Variants in NEDD9 observed in about 807,000 individuals in gnomAD.
NEDD9 encodes enhancer of filamentation 1.
In NEDD9, 26 loss-of-function variants were observed where a neutral mutation model predicts 76.6. The ratio of observed to expected loss-of-function variants is 0.34; its 90% confidence interval spans 0.25 to 0.47. The LOEUF (loss-of-function observed/expected upper bound fraction) is 0.47, where lower values mean the gene tolerates loss of function less well. Ranked by LOEUF, NEDD9 falls within the 20% of genes least tolerant of loss-of-function variation. The probability of loss-of-function intolerance (pLI) is 1.00; values close to 1 mark genes in which losing one functional copy is unlikely to be tolerated. For synonymous variants in NEDD9, 392 were observed against 414.2 expected (o/e 0.95, Z 0.65); for missense variants, 937 against 1,058.5 (o/e 0.89, Z 1.59).
At position 11,211,355 on chromosome 6, in the gene NEDD9, G is replaced by A. The variant is rs182862254; in HGVS notation, c.459+1926C>T. Among the ~76,000 whole-genome samples, 134 of 152,310 alleles carry A rather than the reference G, an allele frequency of 8.8e-4. 1 individual carries two copies. Among genetic ancestry groups the A allele is most frequent in the Non-Finnish European group, 1.7e-3 (115 of 68,032 alleles). ...GCTTAGGCTTCTCTGACTTGGAGCTGAAAAGGTTGGGTCTAAAAAGGAAAA... is the reference window on the plus strand; with the variant it reads ...GCTTAGGCTTCTCTGACTTGGAGCTAAAAAGGTTGGGTCTAAAAAGGAAAA... On this transcript the variant is annotated intron_variant, in intron 2 of 6. Coordinates refer to ENST00000379446, the MANE Select transcript of NEDD9 (RefSeq NM_006403.4).
chr6:11,312,602 T>C (rs952422224), intron 2 of NEDD9, among the ~76,000 whole-genome samples: 9 of 152,004 alleles, frequency 5.9e-5, no homozygotes, highest in Non-Finnish European at 1.2e-4. Context: ...CTCTAAACTT[T>C]TTAGTCAGCT....
At chr6:11,319,381 G>A (rs958724545) in intron 2 of NEDD9, among the ~76,000 whole-genome samples, 4 of 147,962 alleles carry the variant, frequency 2.7e-5, no homozygotes, top group African/African-American at 9.9e-5. Flanking sequence ...ATACACACAA[G>A]TCTCACACTC....
chr6:11,354,147 G>A (rs771496816), intron 1 of NEDD9, among the ~76,000 whole-genome samples: 17 of 152,242 alleles, frequency 1.1e-4, no homozygotes, highest in Non-Finnish European at 2.2e-4. Context: ...ACAAAGCTGA[G>A]TTGGGCTGAG....
intron 2 of NEDD9, among the ~76,000 whole-genome samples, chr6:11,210,484 C>T (rs1229734218): frequency 6.6e-6 from 1 of 152,020 alleles, no homozygotes; most frequent in African/African-American, 2.4e-5. Context: ...CTTTATTAAG[C>T]CAGTCAGTAA....
intron 2 of NEDD9, among the ~76,000 whole-genome samples, chr6:11,312,633 G>A (rs56817967): frequency 0.039 from 5,893 of 150,244 alleles, 244 homozygotes; most frequent in African/African-American, 0.099. Flanking sequence ...TAATATTATG[G>A]AATTACTATG....
intron 1 of NEDD9, among the ~76,000 whole-genome samples, chr6:11,356,009 C>T (rs763111928): frequency 6.6e-6 from 1 of 152,180 alleles, no homozygotes; most frequent in East Asian, 1.9e-4. Flanking sequence ...GCGTGAGCCA[C>T]CATGCCCGGC....
intron 6 of NEDD9, among the ~76,000 whole-genome samples, chr6:11,186,901 C>T (rs1757994374): frequency 6.6e-6 from 1 of 152,180 alleles, no homozygotes; most frequent in African/African-American, 2.4e-5. Flanking sequence ...CAGGTGTGAG[C>T]CACCGTGCCC....
At chr6:11,375,513 T>C (rs1762956044) in intron 1 of NEDD9, among the ~76,000 whole-genome samples, 1 of 152,186 alleles carries the variant, frequency 6.6e-6, no homozygotes, top group Non-Finnish European at 1.5e-5. Flanking sequence ...CACGCTGAAA[T>C]GTGATCCACA....
At chr6:11,339,577 A>G (rs1360116076) in intron 1 of NEDD9, among the ~76,000 whole-genome samples, 2 of 152,302 alleles carry the variant, frequency 1.3e-5, no homozygotes, top group South Asian at 2.1e-4. Context: ...ACCAGATCAT[A>G]TTTCACCAAG....
chr6:11,292,757 A>T (rs893215890), intron 3 of NEDD9, among the ~76,000 whole-genome samples: 51 of 152,218 alleles, frequency 3.4e-4, no homozygotes, highest in African/African-American at 1.2e-3. Flanking sequence ...CTGTGATGTG[A>T]TGTGCAGATG....
chr6:11,331,489 C>G (rs1762037406), intron 2 of NEDD9, among the ~76,000 whole-genome samples: 1 of 151,860 alleles, frequency 6.6e-6, no homozygotes, highest in South Asian at 2.1e-4. Flanking sequence ...GGAGATATGA[C>G]TTAAGAATTT....
intron 3 of NEDD9, among the ~76,000 whole-genome samples, chr6:11,259,955 C>CACACACACACACACACACAA (rs1561808968): frequency 6.6e-6 from 1 of 151,904 alleles, no homozygotes; most frequent in Non-Finnish European, 1.5e-5. Flanking sequence ...CACACACACA[C>CACACACACACACACACACAA]ACACAGACAC....
At chr6:11,288,275 A>G (rs904447233) in intron 3 of NEDD9, among the ~76,000 whole-genome samples, 1 of 152,144 alleles carries the variant, frequency 6.6e-6, no homozygotes, top group African/African-American at 2.4e-5. Flanking sequence ...TAAAGAGTAC[A>G]CCCTGGTCTA....
intron 6 of NEDD9, among the ~76,000 whole-genome samples, chr6:11,186,667 G>A (rs533259770): frequency 7.9e-4 from 121 of 152,268 alleles, no homozygotes; most frequent in Middle Eastern, 6.8e-3. Context: ...ACCCAGGCTG[G>A]AGTGCAGTGG....
intron 2 of NEDD9, among the ~76,000 whole-genome samples, chr6:11,324,788 G>T (rs1332087527): frequency 2.0e-5 from 3 of 152,204 alleles, no homozygotes; most frequent in South Asian, 2.1e-4. Context: ...GCTGGGGAGG[G>T]GGAGGGACAC....
At chr6:11,214,274 A>C in intron 1 of NEDD9, 1 of 498,644 alleles carries the variant, frequency 2.0e-6, no homozygotes, top group Non-Finnish European at 4.0e-6. Context: ...TTGTTCTCAG[A>C]TGACAGGAGC....
chr6:11,285,365 A>G (rs1017033024), intron 3 of NEDD9, among the ~76,000 whole-genome samples: 6 of 152,238 alleles, frequency 3.9e-5, no homozygotes, highest in African/African-American at 1.4e-4. Context: ...ATGGAGAGAT[A>G]TAATGTGTTC....
At chr6:11,243,136 A>G (rs922131481) in intron 3 of NEDD9, among the ~76,000 whole-genome samples, 1 of 152,116 alleles carries the variant, frequency 6.6e-6, no homozygotes, top group Non-Finnish European at 1.5e-5. Context: ...AACACTGACC[A>G]AGTGCCCTCT....
At chr6:11,203,480 G>A (rs2113740566) in intron 2 of NEDD9, among the ~76,000 whole-genome samples, 1 of 152,320 alleles carries the variant, frequency 6.6e-6, no homozygotes, top group Admixed American at 6.5e-5. Context: ...TCCTAAAGAG[G>A]AGAACGCTCA....
Sources: gnomAD v4.1 joint callset for allele counts (sites outside exome capture counted in the v4.1 genomes callset) on GRCh38, gnomAD v4.1.1 for gene constraint, MANE v1.5 for transcripts, NCBI Gene and HGNC (gene_info 2026-07-23, HGNC 2026-07-21) for gene names.